TAFA5: variants seen among roughly 807,000 people sequenced by gnomAD.
TAFA5 encodes the protein chemokine-like protein TAFA-5.
In TAFA5, 6 loss-of-function variants were observed where a neutral mutation model predicts 15.3. That is an observed-to-expected ratio of 0.39 (90% confidence interval 0.21 to 0.77). The LOEUF (loss-of-function observed/expected upper bound fraction) is 0.77. TAFA5 is among the 30% of genes least tolerant of loss of function. The probability of loss-of-function intolerance (pLI) is 0.41; values close to 1 mark genes in which losing one functional copy is unlikely to be tolerated. For missense variants in TAFA5, 161 were observed against 193.1 expected (o/e 0.83, Z 0.98); for synonymous variants, 103 against 80.7 (o/e 1.28, Z -1.48).
rs117465405 is a variant in TAFA5, at chr22:48,630,470, C to T, written c.113-16127C>T. Among the ~76,000 whole-genome samples, 213 of 152,164 alleles carry T rather than the reference C, an allele frequency of 1.4e-3. 1 individual carries two copies. In the East Asian group the frequency reaches 0.015, roughly 10 times the overall value. ...CCTTTATTCATTGCCTTTGTTGAGT[C>T]GTCAGCGGCGTGTGATGACCAGGTG... On this transcript the variant is annotated intron_variant, in intron 1 of 3. Coordinates refer to ENST00000402357, the MANE Select transcript of TAFA5 (RefSeq NM_001082967.3).
chr22:48,489,564 C>G lies in TAFA5; in HGVS notation c.-29C>G. 1 of 1,352,300 alleles carries G rather than the reference C, an allele frequency of 7.4e-7. No individual in the cohort carries two copies. The highest frequency in any genetic ancestry group is 9.8e-7 in the Non-Finnish European group (1 of 1,022,334). The allele number at this position is 1,352,300 out of a possible 1,614,324, so 83.8% of individuals were successfully genotyped here. A position where few individuals can be genotyped will look rare whatever the true frequency, so the allele number is the denominator to read the frequency against. ...CAGGGCCGGCTGCTGAGACGCGCTG[C>G]TGCCCCCCGCGCGGGCGCCGCGGCT... On this transcript the variant is annotated 5_prime_UTR_variant, in exon 1 of 4. Transcript: ENST00000402357. This position sits in a 1 kb window ranked among gnomAD's most constrained non-coding sequence, Gnocchi z 5.5.
At chr22:48,715,753 G>T (rs1929385106) in intron 3 of TAFA5, among the ~76,000 whole-genome samples, 1 of 152,206 alleles carries the variant, frequency 6.6e-6, no homozygotes, top group Non-Finnish European at 1.5e-5. Flanking sequence ...GGTGAGCCTG[G>T]CCAGCAAGCC....
At chr22:48,746,684 C>T (rs1347820544) in intron 3 of TAFA5, among the ~76,000 whole-genome samples, 3 of 152,172 alleles carry the variant, frequency 2.0e-5, no homozygotes, top group East Asian at 1.9e-4. Flanking sequence ...AGGTGTGCCC[C>T]GCCCTGGGAA....
chr22:48,545,012 C>T (rs2073835792), intron 1 of TAFA5: 1 of 396,292 alleles, frequency 2.5e-6, no homozygotes, highest in African/African-American at 2.1e-5. Flanking sequence ...GGGAGCAGTC[C>T]AGCCAGCCCC....
At chr22:48,515,949 C>T (rs912320846) in intron 1 of TAFA5, among the ~76,000 whole-genome samples, 1 of 152,026 alleles carries the variant, frequency 6.6e-6, no homozygotes, top group African/African-American at 2.4e-5. Flanking sequence ...CAGAGACCCC[C>T]ACCCTACCCA....
chr22:48,738,760 C>T (rs1930100961), intron 3 of TAFA5, among the ~76,000 whole-genome samples: 1 of 152,232 alleles, frequency 6.6e-6, no homozygotes, highest in Non-Finnish European at 1.5e-5. Context: ...GCTGGGTCAG[C>T]CCTCAGGAGC....
At chr22:48,605,111 G>GAGGT (rs1925111176) in intron 1 of TAFA5, among the ~76,000 whole-genome samples, 1 of 142,714 alleles carries the variant, frequency 7.0e-6, no homozygotes, top group Non-Finnish European at 1.5e-5. Context: ...TGATAAGGAA[G>GAGGT]AGGTGGAGGA....
Position 48,749,828 on chromosome 22 carries a change from T to C in TAFA5, c.391-11T>C, listed in dbSNP as rs1930429878. On this transcript the variant is annotated splice_polypyrimidine_tract_variant and intron_variant, in intron 3 of 3. Coordinates refer to ENST00000402357, the MANE Select transcript of TAFA5 (RefSeq NM_001082967.3). ...CAGGAGGCTCACCCTCTCTCTCTCT[T>C]TGCTCCTCAGGTCTCCTGACAAACA... 1.3e-6 allele frequency: 2 copies of C among 1,561,468 alleles called. No homozygotes were observed. The highest frequency in any genetic ancestry group is 1.4e-5 in the African/African-American group (1 of 73,608).
At chr22:48,564,136 C>T (rs1255074975) in intron 1 of TAFA5, among the ~76,000 whole-genome samples, 1 of 152,246 alleles carries the variant, frequency 6.6e-6, no homozygotes, top group Non-Finnish European at 1.5e-5. Context: ...CCTGGTCACG[C>T]TGTGGGCAGC....
chr22:48,616,078 TGTGCTG>T (rs1925593542), intron 1 of TAFA5, among the ~76,000 whole-genome samples: 1 of 151,980 alleles, frequency 6.6e-6, no homozygotes, highest in Non-Finnish European at 1.5e-5. Flanking sequence ...ACCGGCCTGG[TGTGCTG>T]ATTCTCTGGG....
chr22:48,613,773 G>A (rs749427203), intron 1 of TAFA5, among the ~76,000 whole-genome samples: 20 of 152,212 alleles, frequency 1.3e-4, no homozygotes, highest in Non-Finnish European at 2.1e-4. Flanking sequence ...CCATGCTGAC[G>A]TCCTTCCGGC....
At chr22:48,635,590 G>A (rs566652833) in intron 1 of TAFA5, among the ~76,000 whole-genome samples, 4 of 152,298 alleles carry the variant, frequency 2.6e-5, no homozygotes, top group East Asian at 1.9e-4. Flanking sequence ...CCCAGCTAAG[G>A]GGGGCAGAGT....
chr22:48,591,949 G>A (rs995903753), intron 1 of TAFA5, among the ~76,000 whole-genome samples: 17 of 152,192 alleles, frequency 1.1e-4, no homozygotes, highest in African/African-American at 1.9e-4. Flanking sequence ...CCAGCCTCAC[G>A]GCCCTGAGCG....
chr22:48,679,053 C>G lies in TAFA5; in HGVS notation c.263-28664C>G, dbSNP rs374015202. ...CCCTCTCCTGGCTCCCCAGCTCCCC[C>G]TCCATCCCTCTCCCGTCTCCCTGTC... On this transcript the variant is annotated intron_variant, in intron 2 of 3. Transcript: ENST00000402357. Among the ~76,000 whole-genome samples, 37 of 20,562 alleles carry G rather than the reference C, an allele frequency of 1.8e-3. 1 individual carries two copies. Among genetic ancestry groups the G allele is most frequent in the Admixed American group, 6.2e-3 (10 of 1,610 alleles). 13.5% of individuals were successfully genotyped at this position (20,562 alleles called of 152,430 possible).
chr22:48,620,939 C>A, intron 1 of TAFA5, among the ~76,000 whole-genome samples: 1 of 97,412 alleles, frequency 1.0e-5, no homozygotes, highest in Non-Finnish European at 2.2e-5. Flanking sequence ...CATCCCCCCA[C>A]CCACCCTATC....
intron 3 of TAFA5, among the ~76,000 whole-genome samples, chr22:48,730,414 C>T (rs144802362): frequency 2.6e-4 from 39 of 152,194 alleles, no homozygotes; most frequent in Non-Finnish European, 5.6e-4. Context: ...GAAAAGGCCA[C>T]ATGCAGTGCG....
At chr22:48,599,710 G>A (rs550023680) in intron 1 of TAFA5, among the ~76,000 whole-genome samples, 9 of 152,368 alleles carry the variant, frequency 5.9e-5, no homozygotes, top group South Asian at 4.1e-4. Context: ...ACACAGAGAC[G>A]TGTTGGCTGC....
At chr22:48,624,578 C>T (rs958191053) in intron 1 of TAFA5, among the ~76,000 whole-genome samples, 4 of 152,180 alleles carry the variant, frequency 2.6e-5, no homozygotes, top group African/African-American at 9.7e-5. Context: ...TCCAGGGCTG[C>T]TTTATTTACC....
At chr22:48,576,628 C>T (rs1923817063) in intron 1 of TAFA5, 1 of 1,306,786 alleles carries the variant, frequency 7.7e-7, no homozygotes, top group Non-Finnish European at 9.9e-7. Flanking sequence ...CTCGCGGCGG[C>T]TCCGGCGCCC....
Sources: gnomAD v4.1 joint callset for allele counts (sites outside exome capture counted in the v4.1 genomes callset) on GRCh38, gnomAD v4.1.1 for gene constraint, Gnocchi (gnomAD v3.1) non-coding constraint, MANE v1.5 for transcripts, NCBI Gene and HGNC (gene_info 2026-07-23, HGNC 2026-07-21) for gene names.